CA1: variants seen among roughly 807,000 people sequenced by gnomAD.
CA1 encodes the protein carbonate dehydratase I.
CA1 carries 27 observed loss-of-function variants against 28.8 expected under a neutral mutation model. That is an observed-to-expected ratio of 0.94 (90% CI 0.69 to 1.29). The LOEUF is 1.29. CA1 is among the 50% of genes most tolerant of loss of function. The pLI, the probability that CA1 is intolerant of heterozygous loss-of-function variation, is 0.00. For missense variants in CA1, 335 were observed against 310.5 expected (o/e 1.08, Z -0.59); for synonymous variants, 121 against 108.8 (o/e 1.11, Z -0.70).
intron 1 of CA1, among the ~76,000 whole-genome samples, chr8:85,365,303 C>T (rs1809963868): frequency 6.6e-6 from 1 of 152,186 alleles, no homozygotes; most frequent in Non-Finnish European, 1.5e-5. Context: ...GAAAAAATTA[C>T]AGGCACATAA....
chr8:85,328,640 CT>C lies in CA1; in HGVS notation c.705del (p.Gly236ValfsTer17). 6.2e-7 allele frequency: 1 copy of C among 1,610,706 alleles called. No individual in the cohort carries two copies. Among genetic ancestry groups the C allele is most frequent in the Non-Finnish European group, 8.5e-7 (1 of 1,177,752 alleles). On this transcript the variant is annotated frameshift_variant, in exon 8 of 8. Coordinates refer to ENST00000523022, the MANE Select transcript of CA1 (RefSeq NM_001128831.4). LOFTEE classifies it low-confidence loss of function (END_TRUNC). ...TGCTGCATGGGGACAGCGTTATCACCTTCAACATTTGATAGAAGGCTGCGGA... is the reference window on the plus strand; with the variant it reads ...TGCTGCATGGGGACAGCGTTATCACCTCAACATTTGATAGAAGGCTGCGGA... ...AQFRSLLSNV[E>X]GDNAVPMQHN... is the part of the protein sequence containing the mutation.
Position 85,337,039 on chromosome 8 carries a change from T to C in CA1, c.260A>G (p.Asp87Gly), listed in dbSNP as rs1808689317. 1.9e-6 allele frequency: 3 copies of C among 1,612,114 alleles called. No homozygotes were observed. In the East Asian group the frequency reaches 6.7e-5, roughly 36 times the overall value. ...RSVLKGGPFS[D>G]SYRLFQFHFH... Reference sequence around the variant, plus strand: ...ATGGAACTGAAAGAGCCTGTAGCTGTCAGAGAAAGGACCACCTTTCAGCAC... The same window carrying C: ...ATGGAACTGAAAGAGCCTGTAGCTGCCAGAGAAAGGACCACCTTTCAGCAC... Residue 87 changes from aspartate (D) to glycine (G), a missense_variant, in exon 4 of 8, where the codon GAC becomes GGC. Physicochemically the swap from Asp to Gly is moderately conservative, Grantham distance 94 (BLOSUM62 -1). Coordinates refer to ENST00000523022, the MANE Select transcript of CA1 (RefSeq NM_001128831.4).
Position 85,376,865 on chromosome 8 carries a change from T to C in CA1, c.-25+1181A>G, listed in dbSNP as rs531515036. Among the ~76,000 whole-genome samples, 9 of 152,160 alleles carry C rather than the reference T, an allele frequency of 5.9e-5. No homozygotes were observed. In the East Asian group the frequency reaches 1.6e-3, roughly 26 times the overall value. On this transcript the variant is annotated intron_variant, in intron 1 of 7. Coordinates refer to ENST00000523022, the MANE Select transcript of CA1 (RefSeq NM_001128831.4). Reference sequence around the variant, plus strand: ...ACCTAATTAGGTCCCTGACCCTCTCTCAAATTCTTTAACTGACACTTCAAC... The same window carrying C: ...ACCTAATTAGGTCCCTGACCCTCTCCCAAATTCTTTAACTGACACTTCAAC...
At chr8:85,360,673 A>T (rs753546730) in intron 1 of CA1, among the ~76,000 whole-genome samples, 9 of 152,180 alleles carry the variant, frequency 5.9e-5, no homozygotes, top group Non-Finnish European at 1.3e-4. Flanking sequence ...AGCCTGGGCG[A>T]CACCCCCTGT....
intron 4 of CA1, 98 bp from the exon 5 acceptor site, chr8:85,333,718 CT>C: frequency 1.3e-6 from 1 of 772,480 alleles, no homozygotes; most frequent in Non-Finnish European, 2.2e-6. Flanking sequence ...TGTATCTTGG[CT>C]TAGATACATA....
At chr8:85,357,663 C>A (rs193087853) in intron 1 of CA1, among the ~76,000 whole-genome samples, 2 of 152,202 alleles carry the variant, frequency 1.3e-5, no homozygotes, top group African/African-American at 4.8e-5. Flanking sequence ...GGAAAAGGGG[C>A]AAGGCCCCAA....
Position 85,341,587 on chromosome 8 carries a change from G to C in CA1, c.37+12C>G. ...TTATCATTTTGATCTATATAAACAG[G>C]AGAACTCTTACCATTTTTGTCATCA... is the stretch of plus-strand genomic sequence containing the variant. On this transcript the variant is annotated intron_variant, in intron 2 of 7. Transcript: ENST00000523022. The C allele has an allele frequency of 6.6e-7, 1 of 1,517,378 alleles. No individual in the cohort carries two copies. Among genetic ancestry groups the C allele is most frequent in the Non-Finnish European group, 9.2e-7 (1 of 1,092,214 alleles). 94.0% of individuals were successfully genotyped at this position (1,517,378 alleles called of 1,614,324 possible).
chr8:85,371,268 T>C (rs1426233518), intron 1 of CA1, among the ~76,000 whole-genome samples: 1 of 152,166 alleles, frequency 6.6e-6, no homozygotes, highest in Non-Finnish European at 1.5e-5. Context: ...TTTCTTTTCC[T>C]AAAGGTAAGC....
At chr8:85,365,226 T>C (rs973531502) in intron 1 of CA1, among the ~76,000 whole-genome samples, 2 of 152,244 alleles carry the variant, frequency 1.3e-5, no homozygotes, top group African/African-American at 4.8e-5. Context: ...GTGACTTCTA[T>C]GAACTTCCAG....
chr8:85,343,896 T>C (rs903225605), intron 1 of CA1, among the ~76,000 whole-genome samples: 1 of 151,568 alleles, frequency 6.6e-6, no homozygotes, highest in Admixed American at 6.6e-5. Flanking sequence ...TATCCTTCTT[T>C]TTCTGCTTAC....
intron 1 of CA1, among the ~76,000 whole-genome samples, chr8:85,346,301 G>A (rs944052327): frequency 1.2e-4 from 18 of 152,088 alleles, no homozygotes; most frequent in African/African-American, 3.1e-4. Flanking sequence ...ACTTGGGCAA[G>A]TTAATAGTAC....
chr8:85,332,472 C>CT lies in CA1; in HGVS notation c.513+17dup, dbSNP rs1808446921. Reference sequence around the variant, plus strand: ...AATTCTTGTTCTCTGATTTAAACTACTTATTTAGTGTGTTTACCTTGGTTT... The same window carrying CT: ...AATTCTTGTTCTCTGATTTAAACTACTTTATTTAGTGTGTTTACCTTGGTTT... On this transcript the variant is annotated intron_variant, in intron 6 of 7. Coordinates refer to ENST00000523022, the MANE Select transcript of CA1 (RefSeq NM_001128831.4). 6.3e-7 allele frequency: 1 copy of CT among 1,584,894 alleles called. No individual in the cohort carries two copies. Among genetic ancestry groups the CT allele is most frequent in the African/African-American group, 1.3e-5 (1 of 74,390 alleles).
At chr8:85,344,972 G>T (rs978887943) in intron 1 of CA1, among the ~76,000 whole-genome samples, 5 of 152,172 alleles carry the variant, frequency 3.3e-5, no homozygotes, top group Admixed American at 6.6e-5. Context: ...TCTAGAGATG[G>T]TATCATTTGG....
At chr8:85,358,336 T>C (rs1809676465) in intron 1 of CA1, among the ~76,000 whole-genome samples, 1 of 152,186 alleles carries the variant, frequency 6.6e-6, no homozygotes, top group Non-Finnish European at 1.5e-5. Flanking sequence ...CACTCTCCAC[T>C]TTGGCCAATC....
At chr8:85,369,369 C>T (rs1047344444) in intron 1 of CA1, among the ~76,000 whole-genome samples, 25 of 152,130 alleles carry the variant, frequency 1.6e-4, no homozygotes, top group African/African-American at 5.6e-4. Flanking sequence ...ATTACCCCGG[C>T]TTGCCTAGGA....
chr8:85,361,575 G>T (rs1282619494), intron 1 of CA1, among the ~76,000 whole-genome samples: 7 of 152,148 alleles, frequency 4.6e-5, no homozygotes. Flanking sequence ...TACTTGGGAG[G>T]CCGAGACAGG....
chr8:85,349,490 G>T (rs1404448429), intron 1 of CA1, among the ~76,000 whole-genome samples: 2 of 152,066 alleles, frequency 1.3e-5, no homozygotes, highest in African/African-American at 4.8e-5. Context: ...TTAGTCGTGT[G>T]GGAAACTATT....
At chr8:85,348,963 G>A (rs1809304145) in intron 1 of CA1, among the ~76,000 whole-genome samples, 1 of 152,146 alleles carries the variant, frequency 6.6e-6, no homozygotes, top group Non-Finnish European at 1.5e-5. Context: ...AGCTTCTAAG[G>A]ATTTGATGAT....
chr8:85,346,143 G>C (rs1490521500), intron 1 of CA1, among the ~76,000 whole-genome samples: 1 of 151,944 alleles, frequency 6.6e-6, no homozygotes, highest in Non-Finnish European at 1.5e-5. Context: ...ACAATTTCAG[G>C]CTTTTGAAAA....
Sources: allele counts gnomAD v4.1 joint callset (sites outside exome capture counted in the v4.1 genomes callset), GRCh38; gene constraint gnomAD v4.1.1; transcripts MANE v1.5; gene names NCBI Gene and HGNC (gene_info 2026-07-23, HGNC 2026-07-21).